ELOVL6: variants seen among roughly 807,000 people sequenced by gnomAD.
ELOVL6 encodes the protein ELOVL fatty acid elongase 6, also known as very long chain fatty acid elongase 6.
In ELOVL6, 8 loss-of-function variants were observed where a neutral mutation model predicts 31.7. That is an observed-to-expected ratio of 0.25 (90% CI 0.15 to 0.45). The LOEUF is 0.45. ELOVL6 is among the 20% of genes least tolerant of loss of function. ELOVL6 has a pLI of 1.00. For missense variants in ELOVL6, 126 were observed against 326.4 expected (o/e 0.39, Z 4.73); for synonymous variants, 101 against 117.7 (o/e 0.86, Z 0.92).
intron 1 of ELOVL6, among the ~76,000 whole-genome samples, chr4:110,189,166 G>A (rs1188180072): frequency 1.3e-5 from 2 of 152,082 alleles, no homozygotes; most frequent in Non-Finnish European, 1.5e-5. Context: ...TGTAATCCCA[G>A]CTACTTGGGA....
intron 1 of ELOVL6, among the ~76,000 whole-genome samples, chr4:110,121,042 C>G (rs28687842): frequency 0.024 from 3,608 of 152,130 alleles, 125 homozygotes; most frequent in African/African-American, 0.079. Context: ...CTCAGGTGAT[C>G]CACCTACCTC....
intron 2 of ELOVL6, among the ~76,000 whole-genome samples, chr4:110,091,640 C>T (rs963400870): frequency 1.2e-4 from 19 of 152,162 alleles, no homozygotes; most frequent in Admixed American, 2.6e-4. Context: ...TATTAAACTG[C>T]ATTGAAAATT....
chr4:110,150,117 G>GC (rs749814163), intron 1 of ELOVL6, among the ~76,000 whole-genome samples: 14 of 151,886 alleles, frequency 9.2e-5, no homozygotes, highest in Non-Finnish European at 1.8e-4. Flanking sequence ...TCACTATGTG[G>GC]CCCAGGCTGG....
chr4:110,123,606 A>G (rs1160097932), intron 1 of ELOVL6, among the ~76,000 whole-genome samples: 3 of 152,318 alleles, frequency 2.0e-5, no homozygotes, highest in Admixed American at 6.5e-5. Flanking sequence ...GACAGAGCAC[A>G]GTGTTAAACA....
At chr4:110,082,139 G>T (rs1487100526) in intron 2 of ELOVL6, among the ~76,000 whole-genome samples, 1 of 149,990 alleles carries the variant, frequency 6.7e-6, no homozygotes, top group Non-Finnish European at 1.5e-5. Context: ...CTTTTACACT[G>T]TTGGTGGGAC....
intron 1 of ELOVL6, among the ~76,000 whole-genome samples, chr4:110,173,957 AC>A (rs139683938): frequency 0.039 from 5,963 of 151,828 alleles, 177 homozygotes; most frequent in East Asian, 0.14. Context: ...TATGTAACAA[AC>A]CTTCACATGT....
intron 1 of ELOVL6, among the ~76,000 whole-genome samples, chr4:110,124,551 G>A (rs1217071994): frequency 6.6e-6 from 1 of 152,142 alleles, no homozygotes; most frequent in Non-Finnish European, 1.5e-5. Context: ...ACTGGGGCCT[G>A]TGGTACAGGG....
intron 2 of ELOVL6, among the ~76,000 whole-genome samples, chr4:110,081,579 T>C (rs1221586724): frequency 2.0e-5 from 3 of 151,306 alleles, no homozygotes; most frequent in South Asian, 4.2e-4. Flanking sequence ...TTACACCTTA[T>C]ACAAAAATTA....
rs912474072 is a variant in ELOVL6, at chr4:110,048,419, A to G, written c.*2919T>C. The G allele has an allele frequency of 6.6e-6, 1 of 152,154 alleles. No homozygotes were observed. The highest frequency in any genetic ancestry group is 1.5e-5 in the Non-Finnish European group (1 of 68,028). 9.4% of individuals were successfully genotyped at this position (152,154 alleles called of 1,614,324 possible). A position where few individuals can be genotyped will look rare whatever the true frequency, so the allele number is the denominator to read the frequency against. On this transcript the variant is annotated 3_prime_UTR_variant, in exon 4 of 4. Transcript: ENST00000302274. ...GAAATAAAGGATTTTTTTTTAGCCC[A>G]AGAACAATGCTTTCACCATAGTAGG...
At chr4:110,100,896 T>A (rs928049486) in intron 2 of ELOVL6, among the ~76,000 whole-genome samples, 67 of 152,224 alleles carry the variant, frequency 4.4e-4, no homozygotes, top group African/African-American at 1.4e-3. Flanking sequence ...TAGACAATAG[T>A]TGAAAATGCA....
At chr4:110,161,335 T>C (rs1308785267) in intron 1 of ELOVL6, among the ~76,000 whole-genome samples, 2 of 152,194 alleles carry the variant, frequency 1.3e-5, no homozygotes, top group Non-Finnish European at 2.9e-5. Flanking sequence ...AAAAAATATA[T>C]AGTCAATCCT....
chr4:110,053,322 A>G (rs1384748820), intron 3 of ELOVL6, among the ~76,000 whole-genome samples: 1 of 152,206 alleles, frequency 6.6e-6, no homozygotes, highest in Non-Finnish European at 1.5e-5. Context: ...CATGTACTTC[A>G]CAGATGGCCT....
intron 1 of ELOVL6, among the ~76,000 whole-genome samples, chr4:110,172,976 T>C (rs1758998264): frequency 1.3e-5 from 2 of 152,328 alleles, no homozygotes; most frequent in Admixed American, 6.5e-5. Context: ...CATATGCCTA[T>C]GTGGATTCTC....
intron 1 of ELOVL6, among the ~76,000 whole-genome samples, chr4:110,108,419 A>G (rs907039397): frequency 6.6e-6 from 1 of 152,150 alleles, no homozygotes; most frequent in African/African-American, 2.4e-5. Context: ...TTTTTTCTCC[A>G]ATTTCCTAAC....
intron 1 of ELOVL6, among the ~76,000 whole-genome samples, chr4:110,145,933 T>C (rs1391412443): frequency 1.3e-5 from 2 of 152,178 alleles, no homozygotes; most frequent in Non-Finnish European, 2.9e-5. Context: ...CCCAAAGCAA[T>C]CTATAGCTTC....
intron 1 of ELOVL6, among the ~76,000 whole-genome samples, chr4:110,145,979 C>T (rs1169473900): frequency 6.6e-6 from 1 of 152,034 alleles, no homozygotes; most frequent in Non-Finnish European, 1.5e-5. Flanking sequence ...CATCATTTTT[C>T]ACAAAATTGG....
chr4:110,115,442 T>G (rs145048387), intron 1 of ELOVL6, among the ~76,000 whole-genome samples: 69 of 152,268 alleles, frequency 4.5e-4, no homozygotes, highest in Admixed American at 1.2e-3. Flanking sequence ...TTCATCTTGT[T>G]CTTAAAAATA....
chr4:110,090,632 G>T (rs993343905), intron 2 of ELOVL6, among the ~76,000 whole-genome samples: 1 of 96,600 alleles, frequency 1.0e-5, no homozygotes, highest in African/African-American at 4.8e-5. Flanking sequence ...ATGAGACGGA[G>T]TCTCGCTCTG....
intron 1 of ELOVL6, among the ~76,000 whole-genome samples, chr4:110,111,916 T>TC (rs1757045773): frequency 6.6e-6 from 1 of 152,232 alleles, no homozygotes; most frequent in African/African-American, 2.4e-5. Context: ...AAGTTTGCAG[T>TC]AAGTTGTGAG....
Sources: allele counts gnomAD v4.1 joint callset (sites outside exome capture counted in the v4.1 genomes callset), GRCh38; gene constraint gnomAD v4.1.1; transcripts MANE v1.5; gene names NCBI Gene and HGNC (gene_info 2026-07-23, HGNC 2026-07-21).